Variants in MPRIP observed in about 807,000 individuals in gnomAD.
The protein encoded by MPRIP is myosin phosphatase Rho-interacting protein.
MPRIP carries 59 observed loss-of-function variants against 234.9 expected under a neutral mutation model. The observed-to-expected ratio is 0.25, with a 90% CI of 0.20 to 0.31. The LOEUF (loss-of-function observed/expected upper bound fraction) is 0.31, where lower values mean the gene tolerates loss of function less well. Among genes scored for constraint, MPRIP ranks in the 10% least tolerant of loss-of-function variants. The pLI is 1.00. For synonymous variants in MPRIP, 1,144 were observed against 1,263.9 expected (o/e 0.91, Z 2.01); for missense variants, 2,436 against 3,071.0 (o/e 0.79, Z 4.89).
At chr17:17,132,168 T>G (rs2090610359) in intron 5 of MPRIP, among the ~76,000 whole-genome samples, 1 of 152,122 alleles carries the variant, frequency 6.6e-6, no homozygotes, top group Non-Finnish European at 1.5e-5. Context: ...GAGCAGGGCG[T>G]GGCTGACTGG....
At chr17:17,121,889 A>G (rs796572670) in intron 3 of MPRIP, among the ~76,000 whole-genome samples, 4 of 152,210 alleles carry the variant, frequency 2.6e-5, no homozygotes, top group African/African-American at 9.6e-5. Flanking sequence ...TTTAGCTCCC[A>G]CTTACAAGTG....
chr17:17,073,196 C>G (rs897608161), intron 1 of MPRIP, among the ~76,000 whole-genome samples: 2 of 152,054 alleles, frequency 1.3e-5, no homozygotes, highest in Non-Finnish European at 2.9e-5. Context: ...CCAGCCTGCT[C>G]CTCCACCCAG....
At position 17,067,469 on chromosome 17, in the gene MPRIP, C is replaced by G. The variant is rs187220055; in HGVS notation, c.124-8241C>G. ...GCTGGACAAAGGGGAGGCTCCACAT[C>G]CTGGGAAGATGGAGCAGGACGATGC... On this transcript the variant is annotated intron_variant, in intron 1 of 23. Transcript: ENST00000651222. Among the ~76,000 whole-genome samples the G allele has an allele frequency of 1.5e-4, 23 of 152,296 alleles. No individual in the cohort carries two copies. The East Asian group carries it at 3.7e-3, about 24-fold the overall frequency.
In MPRIP at chr17:17,078,758, C is replaced by A; in HGVS notation, c.267+682C>A. ...TTTTTCCACCCATTTTATCTCCTGA[C>A]TTTTTCTCTAAAGGAGATTAGTCTC... On this transcript the variant is annotated intron_variant, in intron 3 of 23. Transcript: ENST00000651222. This position sits in a 1 kb window ranked among gnomAD's most constrained non-coding sequence, Gnocchi z 4.3. Among the ~76,000 whole-genome samples, 1 of 152,232 alleles carries A rather than the reference C, an allele frequency of 6.6e-6. No homozygotes were observed. The highest frequency in any genetic ancestry group is 1.9e-4 in the East Asian group (1 of 5,200).
intron 3 of MPRIP, among the ~76,000 whole-genome samples, chr17:17,089,134 GTGTT>G (rs1274627362): frequency 6.6e-6 from 1 of 152,246 alleles, no homozygotes; most frequent in Non-Finnish European, 1.5e-5. Context: ...CATGGCAGGT[GTGTT>G]TGTTTCCTGT....
chr17:17,165,814 A>G lies in MPRIP; in HGVS notation c.4223A>G (p.Gln1408Arg), dbSNP rs1432536041. 3 of 1,304,166 alleles carry G rather than the reference A, an allele frequency of 2.3e-6. No homozygotes were observed. The highest frequency in any genetic ancestry group is 3.0e-6 in the Non-Finnish European group (3 of 988,912). The allele number at this position is 1,304,166 out of a possible 1,614,324, so 80.8% of individuals were successfully genotyped here. Residue 1408 changes from glutamine (Q) to arginine (R), a missense_variant, in exon 16 of 24, where the codon CAG becomes CGG. By Grantham distance (43) the Gln-to-Arg change is conservative. Transcript: ENST00000651222. ...KDVTVRLESQ[Q>R]GQSREALLAL... ...GTGACCGTGAGGCTGGAGAGCCAGC[A>G]GGGTCAGAGCCGTGAGGCACTGCTC... is the stretch of plus-strand genomic sequence containing the variant.
intron 12 of MPRIP, 44 bp downstream of exon 12, chr17:17,150,277 G>A (rs1268380026): frequency 2.1e-6 from 3 of 1,426,172 alleles, no homozygotes; most frequent in Middle Eastern, 1.8e-4. Flanking sequence ...TGACAGGCAG[G>A]GATGCATGTC....
rs546338369 is a variant in MPRIP at position 17,116,550 on chromosome 17, T to C, written c.268-10152T>C. ...ATCATTCTGAGGCTCCCAGCACTGC[T>C]GTGCCTAGGAGGGTAGAACCCATGG... is the stretch of plus-strand genomic sequence containing the variant. On this transcript the variant is annotated intron_variant, in intron 3 of 23. Transcript: ENST00000651222. Among the ~76,000 whole-genome samples, 9 of 152,350 alleles carry C rather than the reference T, an allele frequency of 5.9e-5. No individual in the cohort carries two copies. In the East Asian group the frequency reaches 1.5e-3, roughly 26 times the overall value.
At chr17:17,163,557 G>A (rs1270581628) in intron 15 of MPRIP, among the ~76,000 whole-genome samples, 1 of 152,164 alleles carries the variant, frequency 6.6e-6, no homozygotes, top group African/African-American at 2.4e-5. Context: ...CTAGAGGACT[G>A]ACTACACTTT....
chr17:17,125,906 CT>C (rs1235288119), intron 3 of MPRIP, among the ~76,000 whole-genome samples: 1 of 152,174 alleles, frequency 6.6e-6, no homozygotes, highest in Non-Finnish European at 1.5e-5. Context: ...AGGGGCACCC[CT>C]GGTGTGGTGG....
At chr17:17,172,640 C>T (rs2046165700) in intron 17 of MPRIP, 58 bp from the exon 18 acceptor site, 4 of 1,405,914 alleles carry the variant, frequency 2.8e-6, no homozygotes, top group Non-Finnish European at 4.0e-6. Flanking sequence ...CCCACCCCCA[C>T]CCCTGTCAGC....
At chr17:17,172,878 C>T in intron 18 of MPRIP, 63 bp downstream of exon 18, 6 of 1,417,600 alleles carry the variant, frequency 4.2e-6, no homozygotes, top group Non-Finnish European at 5.9e-6. Flanking sequence ...GACCAGGCCA[C>T]AGCTGGGCCC....
chr17:17,140,006 GGC>G (rs2090780014), intron 7 of MPRIP, among the ~76,000 whole-genome samples: 1 of 152,192 alleles, frequency 6.6e-6, no homozygotes, highest in African/African-American at 2.4e-5. Flanking sequence ...ATCCCAGTGG[GGC>G]CTTAGCCAGG....
intron 6 of MPRIP, 23 bp from the exon 7 acceptor site, chr17:17,137,893 C>T: frequency 6.4e-7 from 1 of 1,550,424 alleles, no homozygotes; most frequent in South Asian, 1.2e-5. Flanking sequence ...AGTGCGTCTC[C>T]TCCCTCCCAC....
chr17:17,069,677 A>C (rs1159637858), intron 1 of MPRIP, among the ~76,000 whole-genome samples: 1 of 152,008 alleles, frequency 6.6e-6, no homozygotes, highest in African/African-American at 2.4e-5. Flanking sequence ...AGTTCAAGAG[A>C]GTACCTGTCT....
rs771638982 is a variant in MPRIP at position 17,161,362 on chromosome 17, G to A, written c.2517+6G>A. 13 of 1,562,200 alleles carry A rather than the reference G, an allele frequency of 8.3e-6. No individual in the cohort carries two copies. The highest frequency in any genetic ancestry group is 1.1e-5 in the Non-Finnish European group (13 of 1,146,698). ...GTGAGGGCTACGTGCTGCAGGTAGG[G>A]TGGAGGGGCTGCTGTGGCCCATGGT... On this transcript the variant is annotated splice_donor_region_variant and intron_variant, in intron 15 of 23. Coordinates refer to ENST00000651222, the MANE Select transcript of MPRIP (RefSeq NM_001364716.4).
intron 14 of MPRIP, among the ~76,000 whole-genome samples, chr17:17,160,615 T>C (rs993232427): frequency 1.3e-5 from 2 of 152,246 alleles, no homozygotes; most frequent in African/African-American, 4.8e-5. Flanking sequence ...AGCTTACTCA[T>C]GGGTATCCAC....
chr17:17,167,820 A>G lies in MPRIP; in HGVS notation c.6229A>G (p.Met2077Val). The G allele has an allele frequency of 2.3e-6, 3 of 1,304,240 alleles. No homozygotes were observed. Among genetic ancestry groups the G allele is most frequent in the Non-Finnish European group, 3.0e-6 (3 of 988,958 alleles). 80.8% of individuals were successfully genotyped at this position (1,304,240 alleles called of 1,614,324 possible). The change falls in exon 16 of 24, where the codon ATG (methionine) becomes GTG (valine). Residue 2077 changes from methionine to valine, a missense_variant. Met to Val is a conservative substitution (Grantham distance 21). Coordinates refer to ENST00000651222, the MANE Select transcript of MPRIP (RefSeq NM_001364716.4). This position sits in a 1 kb window ranked among gnomAD's most constrained non-coding sequence, Gnocchi z 5.9. ...GCGCATCCAGGAGCTGGAGGCCCAGATGGATGTCATGCGGGAGGAGCTGGG... is the reference window on the plus strand; with the variant it reads ...GCGCATCCAGGAGCTGGAGGCCCAGGTGGATGTCATGCGGGAGGAGCTGGG... ...RERIQELEAQMDVMREELGHK... is the reference protein window; with the variant it reads ...RERIQELEAQVDVMREELGHK...
rs1275330241 is a variant in MPRIP, at chr17:17,143,495, C to T, written c.1390-61C>T. The T allele has an allele frequency of 1.9e-5, 22 of 1,133,192 alleles. No individual in the cohort carries two copies. In the East Asian group the frequency reaches 2.3e-4, roughly 12 times the overall value. 70.2% of individuals were successfully genotyped at this position (1,133,192 alleles called of 1,614,324 possible). On this transcript the variant is annotated intron_variant, in intron 8 of 23. Coordinates refer to ENST00000651222, the MANE Select transcript of MPRIP (RefSeq NM_001364716.4). ...CTTGGAGGGGTGGACAGCACCAGCT[C>T]GTCCCTCACATGCCCACATTGCCCT...
Sources: allele counts gnomAD v4.1 joint callset (sites outside exome capture counted in the v4.1 genomes callset), GRCh38; gene constraint gnomAD v4.1.1; non-coding constraint Gnocchi (gnomAD v3.1); transcripts MANE v1.5; gene names NCBI Gene and HGNC (gene_info 2026-07-23, HGNC 2026-07-21).